IFNAR2: variants seen among roughly 807,000 people sequenced by gnomAD.
IFNAR2 encodes interferon alpha/beta receptor 2.
Under a neutral mutation model 49.4 loss-of-function variants are expected in IFNAR2, and 30 were observed. The ratio of observed to expected loss-of-function variants is 0.61; its 90% CI spans 0.45 to 0.82. IFNAR2 has a LOEUF of 0.82. Ranked by LOEUF, IFNAR2 falls within the 40% of genes least tolerant of loss-of-function variation. IFNAR2 has a pLI of 0.00. For synonymous variants in IFNAR2, 224 were observed against 234.5 expected, an observed-to-expected ratio of 0.96 and a Z score of 0.41; for missense variants, 600 against 622.7, an observed-to-expected ratio of 0.96 and a Z score of 0.39.
At chr21:33,259,559 A>T (rs1013938482) in intron 7 of IFNAR2, among the ~76,000 whole-genome samples, 1 of 152,228 alleles carries the variant, frequency 6.6e-6, no homozygotes, top group Non-Finnish European at 1.5e-5. Context: ...GTTATATGCA[A>T]GTTGGATGGG....
At chr21:33,243,843 C>CT in intron 3 of IFNAR2, 129 bp downstream of exon 3, 1 of 772,660 alleles carries the variant, frequency 1.3e-6, no homozygotes, top group Non-Finnish European at 2.3e-6. Flanking sequence ...TATTGGGATT[C>CT]TTTCTCTGTA....
rs1442517608 is a variant in IFNAR2, at chr21:33,262,858, G to A, written c.906G>A (p.Val302=). 25 of 1,613,776 alleles carry A rather than the reference G, an allele frequency of 1.5e-5. No individual in the cohort carries two copies. In the Admixed American group the frequency reaches 4.2e-4, roughly 27 times the overall value. ...CACCGTTGGAAGCCATGGATATGGT[G>A]GAGGTCATTTACATCAACAGAAAGA... ...NLPPLEAMDM[V]EVIYINRKKK... The change falls in exon 9 of 9, where the codon GTG becomes GTA. Residue 302 remains valine, a synonymous_variant. Coordinates refer to ENST00000342136, the MANE Select transcript of IFNAR2 (RefSeq NM_001289125.3).
rs140533677 is a variant in IFNAR2 at position 33,248,819 on chromosome 21, G to A, written c.505G>A (p.Val169Ile). The change falls in exon 6 of 9, where the codon GTC (valine) becomes ATC (isoleucine). Residue 169 changes from valine to isoleucine, a missense_variant. Val to Ile is a conservative substitution (Grantham distance 29). Transcript: ENST00000342136. ...EEELQFDLSL[V>I]IEEQSEGIVK... ...AGAATTACAGTTTGATTTATCTCTC[G>A]TCATTGAAGAACAGTCAGAGGGAAT... The A allele has an allele frequency of 1.4e-4, 229 of 1,607,854 alleles. 1 individual carries two copies. The East Asian group carries it at 3.8e-3, about 27-fold the overall frequency.
chr21:33,233,924 CAGAG>C (rs527270499), intron 1 of IFNAR2, among the ~76,000 whole-genome samples: 66 of 151,082 alleles, frequency 4.4e-4, no homozygotes, highest in African/African-American at 1.2e-3. Context: ...AAAAAGAAGT[CAGAG>C]AGGAAGATGG....
At chr21:33,237,179 G>A (rs1469913173) in intron 1 of IFNAR2, among the ~76,000 whole-genome samples, 2 of 151,634 alleles carry the variant, frequency 1.3e-5, no homozygotes, top group African/African-American at 4.9e-5. Flanking sequence ...TGCCACCGTT[G>A]GAGACAAATG....
intron 2 of IFNAR2, among the ~76,000 whole-genome samples, chr21:33,242,771 GTGTGTGTGTGTGTGTGTGTGTGT>G (rs1987068162): frequency 5.5e-4 from 8 of 14,604 alleles, no homozygotes; most frequent in African/African-American, 1.9e-3. Flanking sequence ...GTGTGTGTGT[GTGTGTGTGTGTGTGTGTGTGTGT>G]GTGTGTGTGT....
At chr21:33,249,941 C>A (rs889617415) in intron 6 of IFNAR2, among the ~76,000 whole-genome samples, 1 of 151,980 alleles carries the variant, frequency 6.6e-6, no homozygotes, top group African/African-American at 2.4e-5. Context: ...GTAAATGTGG[C>A]TGGACCTGGT....
chr21:33,243,748 T>C, intron 3 of IFNAR2, 34 bp downstream of exon 3: 1 of 1,497,806 alleles, frequency 6.7e-7, no homozygotes, highest in Non-Finnish European at 9.3e-7. Flanking sequence ...CTAAATTTTG[T>C]ATAAGAGTGA....
intron 8 of IFNAR2, chr21:33,262,489 G>C (rs180929156): frequency 2.4e-5 from 16 of 664,724 alleles, no homozygotes; most frequent in Admixed American, 8.5e-5. Flanking sequence ...ACTGTTAGCT[G>C]TTATTATTGC....
chr21:33,261,700 C>A (rs1197990888), intron 8 of IFNAR2, among the ~76,000 whole-genome samples: 1 of 151,860 alleles, frequency 6.6e-6, no homozygotes, highest in Non-Finnish European at 1.5e-5. Context: ...TATAAGGAAA[C>A]CTTGTCTTAG....
chr21:33,236,141 C>T (rs1395701140), intron 1 of IFNAR2, among the ~76,000 whole-genome samples: 1 of 152,020 alleles, frequency 6.6e-6, no homozygotes, highest in East Asian at 1.9e-4. Context: ...AGGAAGATTG[C>T]AAAGAGGAAG....
At chr21:33,235,885 C>T (rs180719892) in intron 1 of IFNAR2, among the ~76,000 whole-genome samples, 413 of 151,962 alleles carry the variant, frequency 2.7e-3, no homozygotes, top group Admixed American at 5.5e-3. Context: ...AAAGTTTGCG[C>T]CACTGCACTC....
In IFNAR2 at chr21:33,265,437, AC is replaced by A. The variant is rs1225703854; in HGVS notation, c.*1938del. Reference sequence around the variant, plus strand: ...ATAAGGATGAGGCTGTGAGGAGGGAACACCTTATTTAATCTAATGAAATTCC... The same window carrying A: ...ATAAGGATGAGGCTGTGAGGAGGGAAACCTTATTTAATCTAATGAAATTCC... On this transcript the variant is annotated 3_prime_UTR_variant, in exon 9 of 9. Transcript: ENST00000342136. 1 of 153,976 alleles carries A rather than the reference AC, an allele frequency of 6.5e-6. No individual in the cohort carries two copies. Among genetic ancestry groups the A allele is most frequent in the African/African-American group, 2.4e-5 (1 of 41,438 alleles). The allele number at this position is 153,976 out of a possible 1,614,324, so 9.5% of individuals were successfully genotyped here. A position where few individuals can be genotyped will look rare whatever the true frequency, so the allele number is the denominator to read the frequency against.
intron 2 of IFNAR2, 78 bp from the exon 3 acceptor site, chr21:33,243,585 GTGTTAAAGAA>G (rs1987157407): frequency 1.6e-5 from 19 of 1,164,094 alleles, no homozygotes; most frequent in South Asian, 1.5e-4. Flanking sequence ...CAATAAATGT[GTGTTAAAGAA>G]TGTCAGACTT....
intron 1 of IFNAR2, chr21:33,234,861 C>A: frequency 2.2e-6 from 1 of 457,694 alleles, no homozygotes; most frequent in Non-Finnish European, 2.9e-6. Context: ...TTAAGAAAGT[C>A]AAGGAATGAA....
intron 7 of IFNAR2, among the ~76,000 whole-genome samples, chr21:33,255,070 A>G (rs1027400989): frequency 5.3e-5 from 8 of 152,252 alleles, no homozygotes; most frequent in African/African-American, 1.9e-4. Flanking sequence ...CAGATGATGC[A>G]CAGGCTGGTT....
At chr21:33,237,709 C>T (rs770944406) in intron 1 of IFNAR2, among the ~76,000 whole-genome samples, 1 of 152,120 alleles carries the variant, frequency 6.6e-6, no homozygotes. Context: ...TCCAGGCAGT[C>T]GTGCTTGGAT....
At chr21:33,260,767 T>C in intron 8 of IFNAR2, 40 bp downstream of exon 8, 2 of 1,306,470 alleles carry the variant, frequency 1.5e-6, no homozygotes, top group Non-Finnish European at 2.1e-6. Context: ...TTTCTATCTT[T>C]GTTTTTTATT....
At chr21:33,248,907 C>G in intron 6 of IFNAR2, 53 bp downstream of exon 6, 1 of 1,249,696 alleles carries the variant, frequency 8.0e-7, no homozygotes, top group Non-Finnish European at 1.1e-6. Flanking sequence ...GCAATCAATG[C>G]ACTTGACTGT....
Sources: allele counts gnomAD v4.1 joint callset (sites outside exome capture counted in the v4.1 genomes callset), GRCh38; gene constraint gnomAD v4.1.1; transcripts MANE v1.5; gene names NCBI Gene and HGNC (gene_info 2026-07-23, HGNC 2026-07-21).